The following BIRC6 variants were observed in gnomAD, a reference collection of about 807,000 sequenced individuals.
The protein encoded by BIRC6 is dual E2 ubiquitin-conjugating enzyme/E3 ubiquitin-protein ligase BIRC6.
Under a neutral mutation model 503.3 loss-of-function variants are expected in BIRC6, and 98 were observed. That is an observed-to-expected ratio of 0.19 (90% CI 0.17 to 0.23). The LOEUF is 0.23. Ranked by LOEUF, BIRC6 falls within the 10% of genes least tolerant of loss-of-function variation. The probability of loss-of-function intolerance (pLI) is 1.00; values close to 1 mark genes in which losing one functional copy is unlikely to be tolerated. For synonymous variants in BIRC6, 2,240 were observed against 2,078.7 expected (o/e 1.08, Z -2.11); for missense variants, 5,360 against 5,806.0 (o/e 0.92, Z 2.50).
chr2:32,416,827 C>G (rs1167122131), intron 10 of BIRC6, among the ~76,000 whole-genome samples: 2 of 135,054 alleles, frequency 1.5e-5, no homozygotes, highest in Non-Finnish European at 3.1e-5. Context: ...CCCGTCCTCT[C>G]CCCTCCTTTC....
At chr2:32,589,264 A>G (rs1435341294) in intron 66 of BIRC6, among the ~76,000 whole-genome samples, 1 of 152,226 alleles carries the variant, frequency 6.6e-6, no homozygotes, top group Non-Finnish European at 1.5e-5. Context: ...TGAAGCAAGC[A>G]TCTTTTATTG....
At chr2:32,579,244 A>G (rs1451451297) in intron 66 of BIRC6, among the ~76,000 whole-genome samples, 2 of 151,880 alleles carry the variant, frequency 1.3e-5, no homozygotes, top group Non-Finnish European at 2.9e-5. Context: ...AAGTGTAAAG[A>G]GGATGTTAAC....
At chr2:32,456,942 A>AC (rs2047325351) in intron 23 of BIRC6, among the ~76,000 whole-genome samples, 1 of 151,930 alleles carries the variant, frequency 6.6e-6, no homozygotes, top group Admixed American at 6.6e-5. Context: ...TTTTATTATT[A>AC]TTTTTTGAGA....
At chr2:32,525,307 G>A (rs1447798125) in intron 58 of BIRC6, among the ~76,000 whole-genome samples, 157 bp from the exon 59 acceptor site, 1 of 152,128 alleles carries the variant, frequency 6.6e-6, no homozygotes, top group Non-Finnish European at 1.5e-5. Context: ...CATGAAGGAC[G>A]AATAGAATTG....
At chr2:32,494,285 TG>T (rs1177521721) in intron 45 of BIRC6, among the ~76,000 whole-genome samples, 4 of 152,068 alleles carry the variant, frequency 2.6e-5, no homozygotes, top group Non-Finnish European at 4.4e-5. Context: ...TGGAGTGCAC[TG>T]GTGCAGTCTT....
intron 26 of BIRC6, among the ~76,000 whole-genome samples, chr2:32,465,458 C>T (rs2048446890): frequency 6.6e-6 from 1 of 151,904 alleles, no homozygotes; most frequent in African/African-American, 2.4e-5. Context: ...CACCATTATA[C>T]TAGAAATTAC....
intron 26 of BIRC6, among the ~76,000 whole-genome samples, chr2:32,467,035 C>T (rs1224664965): frequency 2.7e-5 from 4 of 150,220 alleles, no homozygotes; most frequent in Non-Finnish European, 5.9e-5. Context: ...AGGAGAAAGG[C>T]GTGAACCCAG....
intron 61 of BIRC6, among the ~76,000 whole-genome samples, chr2:32,542,849 G>T (rs558277292): frequency 6.1e-4 from 93 of 152,302 alleles, no homozygotes; most frequent in African/African-American, 2.2e-3. Flanking sequence ...GCCCAGGCTG[G>T]AGTGCGGTGG....
chr2:32,475,856 A>G (rs2049701495), intron 33 of BIRC6, among the ~76,000 whole-genome samples: 2 of 152,266 alleles, frequency 1.3e-5, no homozygotes, highest in African/African-American at 4.8e-5. Context: ...CCATAAAAAC[A>G]AAGCTAAGAA....
At chr2:32,595,212 G>A (rs1252341481) in intron 68 of BIRC6, 68 bp downstream of exon 68, 2 of 961,050 alleles carry the variant, frequency 2.1e-6, no homozygotes, top group Non-Finnish European at 3.1e-6. Flanking sequence ...CTATTGAAAT[G>A]TGTTTTAGCA....
intron 45 of BIRC6, among the ~76,000 whole-genome samples, chr2:32,495,791 T>TG (rs2052376663): frequency 4.0e-5 from 1 of 25,162 alleles, no homozygotes; most frequent in Non-Finnish European, 8.5e-5. Context: ...CAGGATGAAG[T>TG]TTTTTTTTTT....
At chr2:32,594,164 A>T in intron 67 of BIRC6, 104 bp downstream of exon 67, 1 of 1,301,246 alleles carries the variant, frequency 7.7e-7, no homozygotes, top group Non-Finnish European at 1.0e-6. Flanking sequence ...AATGATTTTA[A>T]AGCAAGTTCA....
At chr2:32,460,272 A>ATTTTTT (rs70938346) in intron 23 of BIRC6, among the ~76,000 whole-genome samples, 234 of 18,826 alleles carry the variant, frequency 0.012, 53 homozygotes, top group Admixed American at 0.029. Context: ...ATATATATAT[A>ATTTTTT]TTTTTTTTTT....
chr2:32,597,428 C>T (rs1176717510), intron 68 of BIRC6, among the ~76,000 whole-genome samples: 3 of 152,094 alleles, frequency 2.0e-5, no homozygotes, highest in Non-Finnish European at 4.4e-5. Flanking sequence ...AGTTAATAGA[C>T]CCTGTCCTCT....
chr2:32,603,873 A>G (rs190558475), intron 71 of BIRC6, among the ~76,000 whole-genome samples: 6 of 151,454 alleles, frequency 4.0e-5, no homozygotes, highest in Admixed American at 3.3e-4. Flanking sequence ...ATCAATATAA[A>G]TATATGTATA....
intron 8 of BIRC6, among the ~76,000 whole-genome samples, chr2:32,404,549 C>T (rs1467104944): frequency 1.3e-5 from 2 of 151,868 alleles, no homozygotes; most frequent in African/African-American, 2.4e-5. Context: ...CCGGGCCTCA[C>T]GTGATGTGCC....
At chr2:32,425,150 AT>A (rs763613868) in intron 10 of BIRC6, among the ~76,000 whole-genome samples, 16 of 151,086 alleles carry the variant, frequency 1.1e-4, no homozygotes, top group Non-Finnish European at 2.4e-4. Context: ...TTCAGGATTC[AT>A]ATCTTAATAG....
chr2:32,603,469 C>T (rs2062202160), intron 71 of BIRC6, among the ~76,000 whole-genome samples: 1 of 152,112 alleles, frequency 6.6e-6, no homozygotes, highest in African/African-American at 2.4e-5. Context: ...TGGCACAGCA[C>T]TTTGGGAGGC....
intron 4 of BIRC6, among the ~76,000 whole-genome samples, chr2:32,389,653 C>G (rs192757821): frequency 3.9e-5 from 6 of 152,228 alleles, no homozygotes; most frequent in African/African-American, 1.2e-4. Flanking sequence ...AAATATAATA[C>G]GCAGCAATTT....
Sources: allele counts gnomAD v4.1 joint callset (sites outside exome capture counted in the v4.1 genomes callset), GRCh38; gene constraint gnomAD v4.1.1; transcripts MANE v1.5; gene names NCBI Gene and HGNC (gene_info 2026-07-23, HGNC 2026-07-21).